The following VPS33A variants were observed in gnomAD, a reference collection of about 807,000 sequenced individuals.
The protein encoded by VPS33A is vacuolar protein sorting-associated protein 33A.
In VPS33A, 32 loss-of-function variants were observed where a neutral mutation model predicts 71.8. The observed-to-expected ratio is 0.45, with a 90% CI of 0.34 to 0.60. The LOEUF is 0.60. Ranked by LOEUF, VPS33A falls within the 20% of genes least tolerant of loss-of-function variation. The pLI, the probability that VPS33A is intolerant of heterozygous loss-of-function variation, is 0.02. For missense variants in VPS33A, 625 were observed against 748.5 expected (o/e 0.84, Z 1.92); for synonymous variants, 311 against 292.7 (o/e 1.06, Z -0.64).
chr12:122,265,780 G>A, intron 1 of VPS33A: 1 of 445,660 alleles, frequency 2.2e-6, no homozygotes, highest in Non-Finnish European at 4.6e-6. Flanking sequence ...TAAAATCTCT[G>A]ATCTAGTTCC....
rs1350339363 is a variant in VPS33A at position 122,242,400 on chromosome 12, A to G, written c.1078T>C (p.Leu360=). Residue 360 remains leucine (L), a synonymous_variant, in exon 8 of 13, where the codon TTG becomes CTG. Transcript: ENST00000267199. ...SLANHTSIAE[L]IKDVTTSEDF... is the part of the protein sequence containing the mutation. ...TACTCACTAGTGACATCTTTGATCAATTCTGCAATTGAGGTATGGTTTGCA... is the reference window on the plus strand; with the variant it reads ...TACTCACTAGTGACATCTTTGATCAGTTCTGCAATTGAGGTATGGTTTGCA... 6.8e-6 allele frequency: 11 copies of G among 1,613,840 alleles called. No homozygotes were observed. Among genetic ancestry groups the G allele is most frequent in the Non-Finnish European group, 8.5e-6 (10 of 1,179,912 alleles).
intron 4 of VPS33A, among the ~76,000 whole-genome samples, chr12:122,256,517 T>A (rs1217335756): frequency 1.3e-5 from 2 of 151,676 alleles, no homozygotes; most frequent in Non-Finnish European, 2.9e-5. Context: ...GAAGTTGCGG[T>A]GAGACGAGAT....
chr12:122,239,474 G>A (rs1045136673), intron 9 of VPS33A, among the ~76,000 whole-genome samples: 13 of 152,226 alleles, frequency 8.5e-5, no homozygotes, highest in East Asian at 7.7e-4. Flanking sequence ...AGTGACTCAC[G>A]CCTGTAATCC....
At chr12:122,240,282 C>T (rs1249245917) in intron 8 of VPS33A, among the ~76,000 whole-genome samples, 1 of 152,060 alleles carries the variant, frequency 6.6e-6, no homozygotes, top group Non-Finnish European at 1.5e-5. Context: ...GAGCCAAGAT[C>T]ACACCATTGC....
Position 122,266,490 on chromosome 12 carries a change from C to G in VPS33A, c.-82G>C. ...AGGACCACGGACGCAGTCACGTGAC[C>G]AAACGTCCACGTGACCGGTACGGCA... On this transcript the variant is annotated 5_prime_UTR_variant, in exon 1 of 13. Transcript: ENST00000267199. 4.5e-6 allele frequency: 7 copies of G among 1,543,298 alleles called. No homozygotes were observed. The highest frequency in any genetic ancestry group is 5.3e-6 in the Non-Finnish European group (6 of 1,138,684).
intron 6 of VPS33A, among the ~76,000 whole-genome samples, chr12:122,247,227 GA>G (rs2136135028): frequency 6.6e-6 from 1 of 152,156 alleles, no homozygotes; most frequent in African/African-American, 2.4e-5. Flanking sequence ...AGGAGGCTGG[GA>G]ATTTATACAT....
Position 122,235,807 on chromosome 12 carries a change from C to T in VPS33A, c.1419G>A (p.Trp473Ter). The change falls in exon 11 of 13, where the codon TGG (tryptophan) becomes TGA (stop). Residue 473 changes from tryptophan to a stop codon, truncating the protein, a stop_gained. Transcript: ENST00000267199. LOFTEE classifies it high-confidence loss of function. ...TTACTTGCTCATTAACATCATCCAT[C>T]CAGAGGCGTAATGTTTTCCGTATAG... ...YPTIRKTLRL[W>*]MDDVNEQNPT... The T allele has an allele frequency of 6.2e-7, 1 of 1,612,944 alleles. No homozygotes were observed. Among genetic ancestry groups the T allele is most frequent in the South Asian group, 1.1e-5 (1 of 90,858 alleles).
At chr12:122,265,751 C>G (rs1955059806) in intron 1 of VPS33A, 1 of 452,342 alleles carries the variant, frequency 2.2e-6, no homozygotes, top group African/African-American at 2.0e-5. Context: ...AGAGGTGACA[C>G]TGTTTAAAAG....
chr12:122,256,652 T>C (rs1234886625), intron 4 of VPS33A, among the ~76,000 whole-genome samples: 2 of 150,294 alleles, frequency 1.3e-5, no homozygotes, highest in Non-Finnish European at 3.0e-5. Context: ...CATAAACTCA[T>C]AAATCAAAGA....
chr12:122,245,672 T>C (rs1954767853), intron 6 of VPS33A, among the ~76,000 whole-genome samples: 1 of 152,114 alleles, frequency 6.6e-6, no homozygotes. Flanking sequence ...TCTTGAACTC[T>C]TGTCTTCAGG....
chr12:122,257,032 T>C (rs1397945567), intron 4 of VPS33A, among the ~76,000 whole-genome samples: 1 of 152,166 alleles, frequency 6.6e-6, no homozygotes, highest in Non-Finnish European at 1.5e-5. Context: ...GGAGGGATTA[T>C]ATACTATGAG....
chr12:122,262,714 C>G (rs556405952), intron 3 of VPS33A, among the ~76,000 whole-genome samples: 4 of 150,002 alleles, frequency 2.7e-5, no homozygotes, highest in African/African-American at 9.8e-5. Context: ...CAGGTTTAAG[C>G]TTTTGGCTAT....
At position 122,235,983 on chromosome 12, in the gene VPS33A, AAAG is replaced by A. The variant is rs752015173; in HGVS notation, c.1303-63_1303-61del. ...CAGGAAAAGGATTTCTGCAATTTTC[AAAG>A]AAGGGCACTTCCAACAAATCAATTT... On this transcript the variant is annotated intron_variant, in intron 10 of 12. Coordinates refer to ENST00000267199, the MANE Select transcript of VPS33A (RefSeq NM_022916.6). 6.1e-4 allele frequency: 939 copies of A among 1,549,776 alleles called. 1 individual carries two copies. Among genetic ancestry groups the A allele is most frequent in the Non-Finnish European group, 7.3e-4 (840 of 1,147,752 alleles).
chr12:122,247,148 G>A (rs1954787373), intron 6 of VPS33A, among the ~76,000 whole-genome samples: 1 of 152,146 alleles, frequency 6.6e-6, no homozygotes, highest in Non-Finnish European at 1.5e-5. Flanking sequence ...ACGGATCTAT[G>A]TTTTCTTCTA....
intron 2 of VPS33A, among the ~76,000 whole-genome samples, 172 bp from the exon 3 acceptor site, chr12:122,263,871 T>TG (rs769096308): frequency 6.6e-6 from 1 of 152,190 alleles, no homozygotes; most frequent in Non-Finnish European, 1.5e-5. Context: ...AGAAAGCCAC[T>TG]GTTACTGCAT....
rs763074211 is a variant in VPS33A at position 122,266,409 on chromosome 12, C to G, written c.-1G>C. The G allele has an allele frequency of 6.2e-7, 1 of 1,609,824 alleles. No homozygotes were observed. The highest frequency in any genetic ancestry group is 8.5e-7 in the Non-Finnish European group (1 of 1,177,172). ...GGCCGTAGGACAGATGAGCCGCCATCTTGCTCCACCACCCCCTGCCCCACA... is the reference window on the plus strand; with the variant it reads ...GGCCGTAGGACAGATGAGCCGCCATGTTGCTCCACCACCCCCTGCCCCACA... On this transcript the variant is annotated 5_prime_UTR_variant, in exon 1 of 13. Transcript: ENST00000267199.
Position 122,264,236 on chromosome 12 carries a change from A to G in VPS33A, c.103-37T>C, listed in dbSNP as rs767171207. 1.1e-5 allele frequency: 16 copies of G among 1,442,278 alleles called. No homozygotes were observed. The East Asian group carries it at 3.3e-4, about 30-fold the overall frequency. The allele number at this position is 1,442,278 out of a possible 1,614,324, so 89.3% of individuals were successfully genotyped here. ...GAGAAACATTCTCTTATTATAGTTA[A>G]TATCAGGAATTTTAACAATACCAAT... On this transcript the variant is annotated intron_variant, in intron 1 of 12. Coordinates refer to ENST00000267199, the MANE Select transcript of VPS33A (RefSeq NM_022916.6).
At chr12:122,239,825 G>A in intron 9 of VPS33A, 53 bp downstream of exon 9, 1 of 1,251,158 alleles carries the variant, frequency 8.0e-7, no homozygotes, top group South Asian at 1.3e-5. Context: ...GCTATAATCT[G>A]AGGTTTAATA....
intron 10 of VPS33A, 32 bp from the exon 11 acceptor site, chr12:122,235,955 G>C: frequency 6.3e-7 from 1 of 1,575,458 alleles, no homozygotes; most frequent in Middle Eastern, 1.7e-4. Flanking sequence ...CTTGATGTCA[G>C]ATCAGGAAAA....
Sources: gnomAD v4.1 joint callset for allele counts (sites outside exome capture counted in the v4.1 genomes callset) on GRCh38, gnomAD v4.1.1 for gene constraint, MANE v1.5 for transcripts, NCBI Gene and HGNC (gene_info 2026-07-23, HGNC 2026-07-21) for gene names.